Variants in PCLO observed in about 807,000 individuals in gnomAD.
The protein encoded by PCLO is protein piccolo.
In PCLO, 82 loss-of-function variants were observed where a neutral mutation model predicts 427.5. That is an observed-to-expected ratio of 0.19 (90% CI 0.16 to 0.23). The LOEUF (loss-of-function observed/expected upper bound fraction) is 0.23, where lower values mean the gene tolerates loss of function less well. PCLO is among the 10% of genes least tolerant of loss of function. The pLI is 1.00. For synonymous variants in PCLO, 2,357 were observed against 2,155.4 expected (o/e 1.09, Z -2.59); for missense variants, 6,239 against 6,115.9 (o/e 1.02, Z -0.67).
chr7:83,027,312 A>G (rs1041000086), intron 3 of PCLO, among the ~76,000 whole-genome samples: 10 of 151,736 alleles, frequency 6.6e-5, no homozygotes, highest in African/African-American at 2.2e-4. Flanking sequence ...CTACCATCAG[A>G]GAATACTACA....
chr7:82,969,168 A>G (rs1433532293), intron 3 of PCLO, among the ~76,000 whole-genome samples: 1 of 152,170 alleles, frequency 6.6e-6, no homozygotes, highest in Admixed American at 6.5e-5. Flanking sequence ...ACATAGCAAT[A>G]ATTTCAAGGT....
intron 2 of PCLO, among the ~76,000 whole-genome samples, chr7:83,154,139 G>T (rs1792206926): frequency 6.6e-6 from 1 of 152,086 alleles, no homozygotes; most frequent in Non-Finnish European, 1.5e-5. Context: ...TCAAGCCTAG[G>T]CGATATAAAC....
intron 14 of PCLO, among the ~76,000 whole-genome samples, chr7:82,838,731 T>C (rs1792291580): frequency 6.6e-6 from 1 of 151,966 alleles, no homozygotes; most frequent in Non-Finnish European, 1.5e-5. Flanking sequence ...TGGTAAATTA[T>C]TATAAAGTAT....
At chr7:83,029,737 T>G (rs1405426510) in intron 3 of PCLO, among the ~76,000 whole-genome samples, 1 of 114,898 alleles carries the variant, frequency 8.7e-6, no homozygotes, top group Non-Finnish European at 1.8e-5. Context: ...ATAGACTGGA[T>G]TAAGAAAATG....
At chr7:83,145,390 T>C (rs943546972) in intron 2 of PCLO, among the ~76,000 whole-genome samples, 4 of 152,172 alleles carry the variant, frequency 2.6e-5, no homozygotes, top group Non-Finnish European at 5.9e-5. Flanking sequence ...TCTTTTTAAC[T>C]TTAAGGATAT....
intron 22 of PCLO, among the ~76,000 whole-genome samples, chr7:82,774,104 G>T (rs1790700139): frequency 6.6e-6 from 1 of 152,114 alleles, no homozygotes; most frequent in African/African-American, 2.4e-5. Context: ...CTGTGTGCTT[G>T]CTTCATCTTC....
At chr7:82,781,878 G>A (rs1043949587) in intron 22 of PCLO, among the ~76,000 whole-genome samples, 2 of 152,190 alleles carry the variant, frequency 1.3e-5, no homozygotes, top group Non-Finnish European at 2.9e-5. Context: ...ACACATGGAG[G>A]TTCCTGGAGG....
intron 2 of PCLO, among the ~76,000 whole-genome samples, chr7:83,139,404 T>C (rs1001666004): frequency 5.9e-5 from 9 of 152,226 alleles, no homozygotes; most frequent in Non-Finnish European, 1.5e-5. Context: ...CCATAGCCAG[T>C]ATGCCCTAAC....
chr7:83,097,107 TATATATTATATAA>T (rs1790601075), intron 3 of PCLO, among the ~76,000 whole-genome samples: 1 of 78,104 alleles, frequency 1.3e-5, no homozygotes, highest in Non-Finnish European at 2.2e-5. Flanking sequence ...GAATATATAT[TATATATTATATAA>T]ATATATTATA....
chr7:82,846,505 T>G (rs1792505979), intron 12 of PCLO, 62 bp downstream of exon 12: 1 of 1,003,142 alleles, frequency 1.0e-6, no homozygotes, highest in African/African-American at 1.6e-5. Flanking sequence ...TACATCTGCC[T>G]CTGCAATTAC....
At chr7:83,038,035 A>ATT (rs1788857775) in intron 3 of PCLO, among the ~76,000 whole-genome samples, 1 of 50,928 alleles carries the variant, frequency 2.0e-5, no homozygotes, top group Non-Finnish European at 3.1e-5. Context: ...ATATATTTAT[A>ATT]TATTTATATA....
intron 20 of PCLO, among the ~76,000 whole-genome samples, chr7:82,819,615 T>C (rs1432496467): frequency 6.6e-6 from 1 of 152,198 alleles, no homozygotes; most frequent in East Asian, 1.9e-4. Flanking sequence ...GATGATAATC[T>C]ATAAACTGGG....
chr7:82,813,519 T>C (rs1791615750), intron 20 of PCLO, among the ~76,000 whole-genome samples: 1 of 151,704 alleles, frequency 6.6e-6, no homozygotes, highest in Non-Finnish European at 1.5e-5. Context: ...GCATTTTTCT[T>C]TTTCCTCTCA....
intron 3 of PCLO, among the ~76,000 whole-genome samples, chr7:82,992,846 A>C (rs903029667): frequency 2.6e-5 from 4 of 152,048 alleles, no homozygotes; most frequent in Non-Finnish European, 4.4e-5. Flanking sequence ...ACATTCATTC[A>C]CCAAGGAATT....
At chr7:83,109,845 A>T (rs1378860325) in intron 3 of PCLO, among the ~76,000 whole-genome samples, 1 of 152,022 alleles carries the variant, frequency 6.6e-6, no homozygotes, top group Admixed American at 6.6e-5. Flanking sequence ...AATTTCTCCA[A>T]ATAATAATCA....
intron 18 of PCLO, 71 bp downstream of exon 18, chr7:82,826,518 A>G: frequency 1.0e-6 from 1 of 983,104 alleles, no homozygotes. Flanking sequence ...CTTCAGAAAC[A>G]TGCTTTGCAT....
intron 3 of PCLO, among the ~76,000 whole-genome samples, chr7:83,133,674 AAATAT>A (rs1324579846): frequency 3.4e-4 from 51 of 152,054 alleles, no homozygotes; most frequent in African/African-American, 1.0e-3. Flanking sequence ...TAAAAAGCCT[AAATAT>A]AATATATTTG....
intron 3 of PCLO, among the ~76,000 whole-genome samples, chr7:82,971,300 G>T (rs970810117): frequency 6.6e-6 from 1 of 151,472 alleles, no homozygotes; most frequent in African/African-American, 2.4e-5. Context: ...ATTGTGATAC[G>T]CATGATTATT....
At chr7:82,873,828 G>GT (rs1562830440) in intron 10 of PCLO, among the ~76,000 whole-genome samples, 3 of 151,588 alleles carry the variant, frequency 2.0e-5, no homozygotes, top group Admixed American at 2.0e-4. Context: ...TGGGGGGGTG[G>GT]TTTCTGTCAG....
Sources: gnomAD v4.1 joint callset for allele counts (sites outside exome capture counted in the v4.1 genomes callset) on GRCh38, gnomAD v4.1.1 for gene constraint, MANE v1.5 for transcripts, NCBI Gene and HGNC (gene_info 2026-07-23, HGNC 2026-07-21) for gene names.